Variants in DLEC1 observed in about 807,000 individuals in gnomAD.
DLEC1 encodes deleted in lung and esophageal cancer protein 1.
DLEC1 carries 146 observed loss-of-function variants against 198.1 expected under a neutral mutation model. That is an observed-to-expected ratio of 0.74 (90% CI 0.64 to 0.85). DLEC1 has a LOEUF of 0.85. Among genes scored for constraint, DLEC1 ranks in the 40% least tolerant of loss-of-function variants. The pLI, the probability that DLEC1 is intolerant of heterozygous loss-of-function variation, is 0.00. For synonymous variants in DLEC1, 897 were observed against 866.8 expected (o/e 1.03, Z -0.61); for missense variants, 2,233 against 2,220.0 (o/e 1.01, Z -0.12).
intron 33 of DLEC1, among the ~76,000 whole-genome samples, chr3:38,118,744 G>A (rs1343669471): frequency 5.3e-5 from 8 of 152,016 alleles, no homozygotes; most frequent in Non-Finnish European, 1.2e-4. Flanking sequence ...TTCTCGGAGG[G>A]CTTCCCTTTA....
At chr3:38,042,561 T>TA (rs1237213934) in intron 1 of DLEC1, among the ~76,000 whole-genome samples, 1 of 146,854 alleles carries the variant, frequency 6.8e-6, no homozygotes, top group East Asian at 2.0e-4. Context: ...GCTTTTTTTT[T>TA]TTTTTTTTTT....
At chr3:38,075,804 AAGG>A (rs912241896) in intron 6 of DLEC1, among the ~76,000 whole-genome samples, 9 of 152,110 alleles carry the variant, frequency 5.9e-5, no homozygotes, top group African/African-American at 2.2e-4. Context: ...ACTAAGGGTG[AAGG>A]AGAAGGGGTT....
chr3:38,061,271 C>T (rs564236495), intron 3 of DLEC1, among the ~76,000 whole-genome samples: 2 of 152,274 alleles, frequency 1.3e-5, no homozygotes, highest in East Asian at 3.9e-4. Flanking sequence ...CTCCTGGGTT[C>T]AAGCGTTTCT....
intron 27 of DLEC1, among the ~76,000 whole-genome samples, chr3:38,116,194 A>G (rs1168689632): frequency 6.6e-6 from 1 of 152,210 alleles, no homozygotes; most frequent in Non-Finnish European, 1.5e-5. Flanking sequence ...ACCTGCATTC[A>G]GGCATCTGGA....
intron 11 of DLEC1, 91 bp from the exon 12 acceptor site, chr3:38,093,514 C>A: frequency 1.4e-6 from 2 of 1,475,788 alleles, no homozygotes; most frequent in Non-Finnish European, 1.9e-6. Flanking sequence ...AGGCCAGCTG[C>A]ATGTGGATGG....
intron 23 of DLEC1, among the ~76,000 whole-genome samples, chr3:38,110,757 G>A (rs1432395168): frequency 6.6e-6 from 1 of 151,482 alleles, no homozygotes; most frequent in Non-Finnish European, 1.5e-5. Flanking sequence ...AAGATCTAGA[G>A]TGCTGCTTAC....
At chr3:38,101,038 A>C (rs894514784) in intron 19 of DLEC1, among the ~76,000 whole-genome samples, 2 of 152,208 alleles carry the variant, frequency 1.3e-5, no homozygotes, top group Non-Finnish European at 1.5e-5. Flanking sequence ...AACAGAAAGA[A>C]TAGTATAATA....
chr3:38,116,502 G>A lies in DLEC1; in HGVS notation c.3906G>A (p.Arg1302=), dbSNP rs1210358658. The stretch of plus-strand genomic sequence containing the variant: ...ATGTTCCAGAAGACAAGGAAGACCG[G>A]CTGGTGGAGCTGCTGGTGTTTTATG... The part of the protein sequence containing the change: ...ETYVPEDKED[R]LVELLVFYGP... Residue 1302 remains arginine, a synonymous_variant, in exon 28 of 37, where the codon CGG becomes CGA. Transcript: ENST00000308059. 6.2e-7 allele frequency: 1 copy of A among 1,614,116 alleles called. No individual in the cohort carries two copies. The highest frequency in any genetic ancestry group is 1.1e-5 in the South Asian group (1 of 91,088).
chr3:38,074,863 C>T (rs778872641), intron 6 of DLEC1, among the ~76,000 whole-genome samples: 4 of 152,160 alleles, frequency 2.6e-5, no homozygotes, highest in Non-Finnish European at 4.4e-5. Context: ...AGCCTAAACG[C>T]TGACTGATTT....
At chr3:38,042,552 C>CT (rs71635860) in intron 1 of DLEC1, among the ~76,000 whole-genome samples, 10,214 of 104,748 alleles carry the variant, frequency 0.098, 1,092 homozygotes, top group East Asian at 0.19. Flanking sequence ...ATGTTGCTGG[C>CT]TTTTTTTTTT....
chr3:38,123,479 A>C lies in DLEC1; in HGVS notation c.*1067A>C, dbSNP rs754484597. ...GAAATCCTGGAAGAACAAAATCCCT[A>C]AAGTCTAAAATCCTGAAAATCACAA... On this transcript the variant is annotated 3_prime_UTR_variant, in exon 37 of 37. Coordinates refer to ENST00000308059, the MANE Select transcript of DLEC1 (RefSeq NM_007335.4). 4 of 189,986 alleles carry C rather than the reference A, an allele frequency of 2.1e-5. No individual in the cohort carries two copies. Among genetic ancestry groups the C allele is most frequent in the African/African-American group, 7.0e-5 (3 of 42,680 alleles). The allele number at this position is 189,986 out of a possible 1,614,324, so 11.8% of individuals were successfully genotyped here.
chr3:38,121,489 G>A (rs1164650861), intron 34 of DLEC1, 139 bp from the exon 35 acceptor site: 7 of 1,067,682 alleles, frequency 6.6e-6, no homozygotes, highest in South Asian at 1.6e-5. Context: ...TTAAGGTGGC[G>A]CTGGTCCCCT....
intron 10 of DLEC1, among the ~76,000 whole-genome samples, chr3:38,092,009 A>G (rs934576910): frequency 2.7e-4 from 41 of 152,358 alleles, no homozygotes; most frequent in African/African-American, 7.9e-4. Context: ...AGGTATATAT[A>G]CAAATGAAAT....
intron 2 of DLEC1, among the ~76,000 whole-genome samples, chr3:38,057,417 A>C (rs1442695239): frequency 6.6e-6 from 1 of 152,100 alleles, no homozygotes; most frequent in Non-Finnish European, 1.5e-5. Flanking sequence ...GCTTGAACCC[A>C]GGAAGCAGAA....
intron 6 of DLEC1, among the ~76,000 whole-genome samples, chr3:38,080,679 T>A (rs1011441709): frequency 6.6e-6 from 1 of 151,948 alleles, no homozygotes; most frequent in Non-Finnish European, 1.5e-5. Context: ...AGCTTTTAAG[T>A]TCTTGAGAAC....
At chr3:38,080,247 G>A (rs1406144818) in intron 6 of DLEC1, among the ~76,000 whole-genome samples, 2 of 152,178 alleles carry the variant, frequency 1.3e-5, no homozygotes. Context: ...CAGGTGTGAG[G>A]AGGGGAGGTG....
At chr3:38,069,854 G>T (rs1697222732) in intron 6 of DLEC1, among the ~76,000 whole-genome samples, 1 of 152,138 alleles carries the variant, frequency 6.6e-6, no homozygotes, top group African/African-American at 2.4e-5. Context: ...GCCAAAAATT[G>T]ATGTAAATGC....
chr3:38,070,307 A>G (rs1697246872), intron 6 of DLEC1, among the ~76,000 whole-genome samples: 1 of 152,206 alleles, frequency 6.6e-6, no homozygotes, highest in African/African-American at 2.4e-5. Flanking sequence ...ACAGTAAGTA[A>G]GAGGTGAGGT....
chr3:38,110,771 G>GAC (rs139450212), intron 23 of DLEC1, among the ~76,000 whole-genome samples: 4,778 of 149,682 alleles, frequency 0.032, 193 homozygotes, highest in African/African-American at 0.098. Context: ...TGCTTACACA[G>GAC]ACACACACAC....
Sources: gnomAD v4.1 joint callset for allele counts (sites outside exome capture counted in the v4.1 genomes callset) on GRCh38, gnomAD v4.1.1 for gene constraint, MANE v1.5 for transcripts, NCBI Gene and HGNC (gene_info 2026-07-23, HGNC 2026-07-21) for gene names.